Variants in MARK4 observed in about 807,000 individuals in gnomAD.
MARK4 encodes MAP/microtubule affinity-regulating kinase 4.
Under a neutral mutation model 81.5 loss-of-function variants are expected in MARK4, and 19 were observed. The ratio of observed to expected loss-of-function variants is 0.23; its 90% CI spans 0.16 to 0.34. The LOEUF (loss-of-function observed/expected upper bound fraction) is 0.34. MARK4 is among the 10% of genes least tolerant of loss of function. The pLI is 1.00. For synonymous variants in MARK4, 436 were observed against 439.0 expected, an observed-to-expected ratio of 0.99 and a Z score of 0.08; for missense variants, 772 against 1,058.8, an observed-to-expected ratio of 0.73 and a Z score of 3.76.
At chr19:45,262,538 G>A (rs544446787) in intron 2 of MARK4, among the ~76,000 whole-genome samples, 2 of 152,358 alleles carry the variant, frequency 1.3e-5, no homozygotes, top group South Asian at 4.1e-4. Context: ...TGATGGGCCA[G>A]TGATCTTCAT....
chr19:45,278,597 G>A lies in MARK4; in HGVS notation c.988G>A (p.Gly330Arg), dbSNP rs1599791159. 4 of 1,613,506 alleles carry A rather than the reference G, an allele frequency of 2.5e-6. No homozygotes were observed. The highest frequency in any genetic ancestry group is 1.7e-5 in the Admixed American group (1 of 59,976). ...ATACACAGAGCCCGAGGAGGACTTCGGGGACACCAAGAGAATTGGTGAGGG... is the reference window on the plus strand; with the variant it reads ...ATACACAGAGCCCGAGGAGGACTTCAGGGACACCAAGAGAATTGGTGAGGG... Reference protein sequence around the residue: ...KPYTEPEEDFGDTKRIEVMVG... With the variant: ...KPYTEPEEDFRDTKRIEVMVG... Residue 330 changes from glycine (G) to arginine (R), a missense_variant, in exon 10 of 17, where the codon GGG becomes AGG. Gly to Arg is a moderately radical substitution (Grantham distance 125). Coordinates refer to ENST00000262891, the MANE Select transcript of MARK4 (RefSeq NM_001199867.2).
Position 45,252,757 on chromosome 19 carries a change from A to G in MARK4, c.51+1118A>G, listed in dbSNP as rs527672949. Among the ~76,000 whole-genome samples, 6 of 152,022 alleles carry G rather than the reference A, an allele frequency of 3.9e-5. No homozygotes were observed. In the East Asian group the frequency reaches 1.2e-3, roughly 29 times the overall value. On this transcript the variant is annotated intron_variant, in intron 1 of 16. Transcript: ENST00000262891. ...TCAATCTGCTGGAAGCTTTCTCCCC[A>G]AATTTCTAGACCCCTTGACCTTCCC...
chr19:45,300,404 G>A (rs959588776), intron 16 of MARK4, among the ~76,000 whole-genome samples: 11 of 131,480 alleles, frequency 8.4e-5, no homozygotes, highest in Admixed American at 5.3e-4. Context: ...CTCCTCTTCT[G>A]GTCAATGCCC....
rs1970601677 is a variant in MARK4 at position 45,276,662 on chromosome 19, GC to G, written c.787-1259del. 9.0e-5 allele frequency among the ~76,000 whole-genome samples: 12 copies of G among 133,074 alleles called. No homozygotes were observed. The Admixed American group carries it at 9.7e-4, about 11-fold the overall frequency. The allele number at this position is 133,074 out of a possible 152,430, so 87.3% of individuals were successfully genotyped here. A position where few individuals can be genotyped will look rare whatever the true frequency, so the allele number is the denominator to read the frequency against. The stretch of plus-strand genomic sequence containing the variant: ...TTTTTTTGAGATGGAGTCTTGCTCT[GC>G]CGCCCAGGCTGGAGTGCAGTGGCGC... On this transcript the variant is annotated intron_variant, in intron 8 of 16. Transcript: ENST00000262891.
chr19:45,287,386 C>T, intron 12 of MARK4, 61 bp from the exon 13 acceptor site: 1 of 1,208,522 alleles, frequency 8.3e-7, no homozygotes, highest in Non-Finnish European at 1.1e-6. Context: ...CCAACGATCC[C>T]CCAGAGTCAG....
At chr19:45,297,133 G>A (rs34510421) in intron 14 of MARK4, among the ~76,000 whole-genome samples, 2,161 of 151,988 alleles carry the variant, frequency 0.014, 29 homozygotes, top group South Asian at 0.02. Context: ...CAGGAGAATT[G>A]AACTCAGGAG....
intron 14 of MARK4, 132 bp from the exon 15 acceptor site, chr19:45,297,544 G>T: frequency 1.7e-6 from 1 of 603,280 alleles, no homozygotes; most frequent in Non-Finnish European, 2.9e-6. Flanking sequence ...ACAACTGTAC[G>T]TTGCAGCCCT....
chr19:45,289,746 G>T (rs1970797151), intron 13 of MARK4, among the ~76,000 whole-genome samples: 1 of 151,854 alleles, frequency 6.6e-6, no homozygotes, highest in African/African-American at 2.4e-5. Context: ...CTCCAGCCTG[G>T]GCGACAGAGC....
chr19:45,296,658 A>G (rs1207551397), intron 14 of MARK4, among the ~76,000 whole-genome samples: 1 of 152,244 alleles, frequency 6.6e-6, no homozygotes, highest in Non-Finnish European at 1.5e-5. Context: ...AGAACGAAAC[A>G]GGGAGGATGG....
chr19:45,263,160 G>A lies in MARK4; in HGVS notation c.300G>A (p.Leu100=). 6.2e-7 allele frequency: 1 copy of A among 1,609,326 alleles called. No homozygotes were observed. The highest frequency in any genetic ancestry group is 8.5e-7 in the Non-Finnish European group (1 of 1,177,722). ...AAACCCAGCTGAATCCCAGCAGCCT[G>A]CAGAAGGTGAGGCTGGGGAGACGGG... ...IDKTQLNPSS[L]QKLFREVRIM... Residue 100 remains leucine, a synonymous_variant, in exon 3 of 17, where the codon CTG becomes CTA. Transcript: ENST00000262891.
At chr19:45,255,017 A>G (rs1195442390) in intron 1 of MARK4, among the ~76,000 whole-genome samples, 2 of 152,176 alleles carry the variant, frequency 1.3e-5, no homozygotes, top group African/African-American at 4.8e-5. Flanking sequence ...CCCGGACAAC[A>G]TAGCAAGACT....
intron 2 of MARK4, among the ~76,000 whole-genome samples, chr19:45,259,434 G>A (rs564888366): frequency 1.2e-4 from 18 of 152,228 alleles, no homozygotes; most frequent in Admixed American, 6.5e-4. Flanking sequence ...TCCAATGTGT[G>A]CGTTGCTAAG....
chr19:45,278,071 C>T lies in MARK4; in HGVS notation c.906+29C>T, dbSNP rs758424461. ...AGCCCAGCCTCACAGCCAGCGGGAG[C>T]CCTTCTAGTCTCCTGACTCCCCTAA... On this transcript the variant is annotated intron_variant, in intron 9 of 16. Coordinates refer to ENST00000262891, the MANE Select transcript of MARK4 (RefSeq NM_001199867.2). 49 of 1,610,526 alleles carry T rather than the reference C, an allele frequency of 3.0e-5. No homozygotes were observed. The East Asian group carries it at 1.1e-3, about 35-fold the overall frequency.
rs763680997 is a variant in MARK4 at position 45,280,682 on chromosome 19, G to T, written c.1224G>T (p.Gly408=). ...SSSKGTSHSK[G]QRSSSSTYHR... is the part of the protein sequence containing the mutation. ...GCAAAGGCACCAGCCACAGCAAAGG[G>T]CAGCGGAGTTCCTCTTCCACCTACC... The change falls in exon 12 of 17, where the codon GGG becomes GGT. Residue 408 remains glycine (G), a synonymous_variant. Coordinates refer to ENST00000262891, the MANE Select transcript of MARK4 (RefSeq NM_001199867.2). 6.2e-7 allele frequency: 1 copy of T among 1,614,142 alleles called. No individual in the cohort carries two copies. The highest frequency in any genetic ancestry group is 2.2e-5 in the East Asian group (1 of 44,862).
At chr19:45,266,066 G>T (rs78286072) in intron 6 of MARK4, among the ~76,000 whole-genome samples, 159 bp from the exon 7 acceptor site, 1,641 of 152,040 alleles carry the variant, frequency 0.011, 30 homozygotes, top group African/African-American at 0.037. Context: ...CAGGTTCCAC[G>T]GGCACCTCTT....
chr19:45,261,291 A>G (rs1203384398), intron 2 of MARK4, among the ~76,000 whole-genome samples: 3 of 152,240 alleles, frequency 2.0e-5, no homozygotes, highest in Non-Finnish European at 4.4e-5. Flanking sequence ...GAACATAGGT[A>G]TAAAAATCTT....
chr19:45,257,583 C>T (rs1390826521), intron 1 of MARK4, among the ~76,000 whole-genome samples: 3 of 151,798 alleles, frequency 2.0e-5, no homozygotes, highest in South Asian at 2.1e-4. Context: ...GGGGTTTCCC[C>T]GTGTTGGCCA....
At chr19:45,278,263 C>T (rs1435593380) in intron 9 of MARK4, among the ~76,000 whole-genome samples, 2 of 152,062 alleles carry the variant, frequency 1.3e-5, no homozygotes, top group African/African-American at 4.8e-5. Flanking sequence ...CCCTGCCTTG[C>T]CAGTAATTAG....
intron 12 of MARK4, among the ~76,000 whole-genome samples, chr19:45,284,732 C>T (rs1301450645): frequency 2.0e-5 from 3 of 152,278 alleles, no homozygotes; most frequent in East Asian, 3.9e-4. Context: ...TTGGGTGGAT[C>T]ACTTGAGCTC....
Sources: gnomAD v4.1 joint callset for allele counts (sites outside exome capture counted in the v4.1 genomes callset) on GRCh38, gnomAD v4.1.1 for gene constraint, MANE v1.5 for transcripts, NCBI Gene and HGNC (gene_info 2026-07-23, HGNC 2026-07-21) for gene names.